The following RGS5 variants were observed in gnomAD, a reference collection of about 807,000 sequenced individuals.
RGS5 encodes the protein regulator of G-protein signalling 5.
A neutral mutation model predicts 18.9 loss-of-function variants in RGS5; 20 were observed. The observed-to-expected ratio is 1.06, with a 90% CI of 0.74 to 1.54. The LOEUF is 1.54. Ranked by LOEUF, RGS5 falls within the 40% of genes most tolerant of loss-of-function variation. The probability of loss-of-function intolerance (pLI) is 0.00; values close to 1 mark genes in which losing one functional copy is unlikely to be tolerated. For synonymous variants in RGS5, 57 were observed against 76.2 expected (o/e 0.75, Z 1.31); for missense variants, 201 against 211.8 (o/e 0.95, Z 0.32).
chr1:163,273,124 A>C (rs923039190), intron 2 of RGS5, among the ~76,000 whole-genome samples: 3 of 152,162 alleles, frequency 2.0e-5, no homozygotes, highest in African/African-American at 7.2e-5. Context: ...TCTTCAAAAA[A>C]AATGCATTGA....
chr1:163,191,343 T>TAA (rs35510973), intron 1 of RGS5, among the ~76,000 whole-genome samples: 9 of 143,898 alleles, frequency 6.3e-5, no homozygotes, highest in African/African-American at 2.0e-4. Context: ...CAAAATGCTA[T>TAA]AAAAAAAAAA....
chr1:163,297,535 T>C (rs1199136069), intron 2 of RGS5, among the ~76,000 whole-genome samples: 4 of 150,732 alleles, frequency 2.7e-5, no homozygotes, highest in African/African-American at 9.7e-5. Flanking sequence ...CCTAGCCATC[T>C]CCTCTTAGCT....
At chr1:163,162,008 T>C (rs1176275455) in intron 2 of RGS5, 32 bp from the exon 3 acceptor site, 8 of 1,538,640 alleles carry the variant, frequency 5.2e-6, no homozygotes, top group Middle Eastern at 1.7e-4. Context: ...AAAAGGGGTA[T>C]GGCGTAAGTA....
chr1:163,246,736 C>A (rs997880161), intron 2 of RGS5, among the ~76,000 whole-genome samples: 2 of 152,110 alleles, frequency 1.3e-5, no homozygotes, highest in Non-Finnish European at 2.9e-5. Flanking sequence ...TCTAGATTTA[C>A]CTGCTGATTC....
intron 2 of RGS5, among the ~76,000 whole-genome samples, chr1:163,224,755 T>C (rs966721808): frequency 6.6e-6 from 1 of 152,338 alleles, no homozygotes; most frequent in Admixed American, 6.5e-5. Context: ...AGGCGTTATC[T>C]CATTCTGCTT....
At chr1:163,239,344 G>A (rs1647722562) in intron 2 of RGS5, 1 of 152,032 alleles carries the variant, frequency 6.6e-6, no homozygotes, top group Non-Finnish European at 1.5e-5. Context: ...ACATTAGCCA[G>A]GCGTGGTGGC....
At chr1:163,281,758 A>T (rs1273796761) in intron 2 of RGS5, among the ~76,000 whole-genome samples, 3 of 152,190 alleles carry the variant, frequency 2.0e-5, no homozygotes, top group African/African-American at 7.2e-5. Context: ...ACCCCCAAAT[A>T]AATCCATGTT....
intron 1 of RGS5, among the ~76,000 whole-genome samples, chr1:163,181,609 C>G (rs61810818): frequency 6.6e-6 from 1 of 152,040 alleles, no homozygotes; most frequent in East Asian, 1.9e-4. Flanking sequence ...ATGGATAGCA[C>G]GTTTTCACGG....
intron 2 of RGS5, among the ~76,000 whole-genome samples, chr1:163,261,621 A>C (rs1349759004): frequency 6.6e-6 from 1 of 152,176 alleles, no homozygotes; most frequent in Non-Finnish European, 1.5e-5. Context: ...GTGCAATGGG[A>C]AACGCCTCAC....
chr1:163,219,762 C>T (rs1452355033), upstream of RGS5, among the ~76,000 whole-genome samples: 3 of 152,052 alleles, frequency 2.0e-5, no homozygotes, highest in African/African-American at 7.2e-5. Flanking sequence ...TGTCCTGAGG[C>T]CAAAAAGCTT....
intron 2 of RGS5, among the ~76,000 whole-genome samples, chr1:163,250,807 T>C (rs1485156706): frequency 1.3e-5 from 2 of 152,210 alleles, no homozygotes. Context: ...TAGGGTTGTC[T>C]GAGCAGTTGG....
At chr1:163,283,502 C>G (rs1420260542) in intron 2 of RGS5, among the ~76,000 whole-genome samples, 1 of 152,154 alleles carries the variant, frequency 6.6e-6, no homozygotes, top group East Asian at 1.9e-4. Context: ...TGTGCAGGCT[C>G]TAAGGTATCT....
chr1:163,265,030 T>C (rs1648541536), intron 2 of RGS5, among the ~76,000 whole-genome samples: 1 of 152,142 alleles, frequency 6.6e-6, no homozygotes, highest in Non-Finnish European at 1.5e-5. Flanking sequence ...TACTTGTGTA[T>C]ATTACTGCCC....
chr1:163,165,905 C>T (rs1342664083), intron 2 of RGS5, among the ~76,000 whole-genome samples: 4 of 43,428 alleles, frequency 9.2e-5, no homozygotes, highest in African/African-American at 3.3e-4. Context: ...AATTCCGTCT[C>T]AAAAAAAAAA....
In RGS5 at chr1:163,164,518, A is replaced by G. The variant is rs79340616; in HGVS notation, c.156-2542T>C. On this transcript the variant is annotated intron_variant, in intron 2 of 4. Transcript: ENST00000313961. ...CACTTTTACTCACTGAATCTCTCAC[A>G]TGACAATGAGGCACTCACTGCCGAA... is the stretch of plus-strand genomic sequence containing the variant. Among the ~76,000 whole-genome samples, 533 of 152,304 alleles carry G rather than the reference A, an allele frequency of 3.5e-3. 2 individuals are homozygous for G. The highest frequency in any genetic ancestry group is 0.012 in the African/African-American group (487 of 41,578).
At chr1:163,234,172 GA>G (rs1313697955) in intron 2 of RGS5, among the ~76,000 whole-genome samples, 1 of 152,166 alleles carries the variant, frequency 6.6e-6, no homozygotes, top group African/African-American at 2.4e-5. Context: ...ATTTTAGAGA[GA>G]ATGCATTCTA....
Position 163,144,302 on chromosome 1 carries a change from A to T in RGS5, c.*3040T>A, listed in dbSNP as rs1244230949. ...CTGCTTTAACAAATAAACATGGAACATACGTCCTTAATTAACTGTGGAGTT... is the reference window on the plus strand; with the variant it reads ...CTGCTTTAACAAATAAACATGGAACTTACGTCCTTAATTAACTGTGGAGTT... On this transcript the variant is annotated 3_prime_UTR_variant, in exon 5 of 5. Transcript: ENST00000313961. The T allele has an allele frequency of 6.6e-6, 1 of 152,118 alleles. No individual in the cohort carries two copies. Among genetic ancestry groups the T allele is most frequent in the African/African-American group, 2.4e-5 (1 of 41,432 alleles). 9.4% of individuals were successfully genotyped at this position (152,118 alleles called of 1,614,324 possible). A position where few individuals can be genotyped will look rare whatever the true frequency, so the allele number is the denominator to read the frequency against.
intron 2 of RGS5, among the ~76,000 whole-genome samples, chr1:163,288,955 G>A (rs960856117): frequency 6.6e-6 from 1 of 151,886 alleles, no homozygotes; most frequent in African/African-American, 2.4e-5. Context: ...CCCCTTCTTG[G>A]TATATGTTGG....
chr1:163,282,212 A>C (rs1649013174), intron 2 of RGS5, among the ~76,000 whole-genome samples: 1 of 152,068 alleles, frequency 6.6e-6, no homozygotes, highest in African/African-American at 2.4e-5. Flanking sequence ...AATATCCAGA[A>C]TATACGAACA....
Sources: gnomAD v4.1 joint callset for allele counts (sites outside exome capture counted in the v4.1 genomes callset) on GRCh38, gnomAD v4.1.1 for gene constraint, MANE v1.5 for transcripts, NCBI Gene and HGNC (gene_info 2026-07-23, HGNC 2026-07-21) for gene names.